Variants in EPHA6 observed in about 807,000 individuals in gnomAD.
EPHA6 encodes EPH receptor A6.
In EPHA6, 50 loss-of-function variants were observed where a neutral mutation model predicts 112.0. The ratio of observed to expected loss-of-function variants is 0.45; its 90% CI spans 0.36 to 0.56. The LOEUF is 0.56. Ranked by LOEUF, EPHA6 falls within the 20% of genes least tolerant of loss-of-function variation. The pLI is 0.00. For synonymous variants in EPHA6, 529 were observed against 490.7 expected (o/e 1.08, Z -1.03); for missense variants, 1,280 against 1,417.4 (o/e 0.90, Z 1.56).
intron 2 of EPHA6, among the ~76,000 whole-genome samples, chr3:96,942,329 C>T (rs190600478): frequency 2.2e-4 from 33 of 152,354 alleles, no homozygotes; most frequent in African/African-American, 7.7e-4. Context: ...CACCCCTCCC[C>T]CAGCCTTGCT....
At chr3:97,005,539 A>T (rs938665100) in intron 3 of EPHA6, among the ~76,000 whole-genome samples, 1 of 152,152 alleles carries the variant, frequency 6.6e-6, no homozygotes, top group South Asian at 2.1e-4. Flanking sequence ...AGTTTTCTAA[A>T]TATAAAATCA....
chr3:97,673,749 T>C (rs759606125), intron 14 of EPHA6, among the ~76,000 whole-genome samples: 2 of 152,226 alleles, frequency 1.3e-5, no homozygotes, highest in Non-Finnish European at 2.9e-5. Flanking sequence ...CTCAATGCGC[T>C]TCTGAGGGCA....
At chr3:96,877,586 C>A (rs2107496775) in intron 2 of EPHA6, among the ~76,000 whole-genome samples, 1 of 151,928 alleles carries the variant, frequency 6.6e-6, no homozygotes, top group African/African-American at 2.4e-5. Context: ...AGATGGACCG[C>A]AAATTTTAGA....
chr3:97,228,220 G>A (rs976690668), intron 4 of EPHA6, among the ~76,000 whole-genome samples: 1 of 151,992 alleles, frequency 6.6e-6, no homozygotes, highest in African/African-American at 2.4e-5. Flanking sequence ...GGTTGCATGG[G>A]GGAAGTTCTT....
chr3:97,748,623 C>G lies in EPHA6; in HGVS notation c.3315C>G (p.His1105Gln). ...IRRIGVILIG[H>Q]QRRIVSSIQT... is the part of the protein sequence containing the mutation. ...GAATTGGAGTCATACTTATTGGACA[C>G]CAGAGACGAATAGTCAGCAGCATAC... Residue 1105 changes from histidine (H) to glutamine (Q), a missense_variant, in exon 18 of 18, where the codon CAC (histidine) becomes CAG (glutamine). Transcript: ENST00000389672. 1 of 1,611,570 alleles carries G rather than the reference C, an allele frequency of 6.2e-7. No homozygotes were observed. Among genetic ancestry groups the G allele is most frequent in the African/African-American group, 1.3e-5 (1 of 74,946 alleles).
chr3:96,834,400 A>C (rs2034275897), intron 1 of EPHA6, among the ~76,000 whole-genome samples: 2 of 151,994 alleles, frequency 1.3e-5, no homozygotes, highest in Admixed American at 1.3e-4. Context: ...AATGGAATAA[A>C]AGGCAAAAAG....
At chr3:97,705,527 C>T (rs957584630) in intron 14 of EPHA6, among the ~76,000 whole-genome samples, 2 of 152,168 alleles carry the variant, frequency 1.3e-5, no homozygotes, top group African/African-American at 4.8e-5. Flanking sequence ...TGCTTGGGCT[C>T]ATTTCTAAGC....
At chr3:96,946,349 G>A (rs975679705) in intron 2 of EPHA6, among the ~76,000 whole-genome samples, 1 of 136,848 alleles carries the variant, frequency 7.3e-6, no homozygotes, top group African/African-American at 2.7e-5. Context: ...GACAGGCCCC[G>A]GTGTGTGATG....
intron 11 of EPHA6, among the ~76,000 whole-genome samples, chr3:97,544,797 A>G (rs1418323771): frequency 1.3e-5 from 2 of 152,038 alleles, no homozygotes; most frequent in East Asian, 3.9e-4. Flanking sequence ...CAGAGATTCA[A>G]CTTCTTCCTG....
In EPHA6 at chr3:96,987,595, A is replaced by G. The variant is rs1246960656; in HGVS notation, c.716A>G (p.Tyr239Cys). ...GGAATTAAATTCAAGCCAAACCAGT[A>G]TACAAAGATCGACACAATTGCTGCT... ...SHGIKFKPNQYTKIDTIAADE... is the reference protein window; with the variant it reads ...SHGIKFKPNQCTKIDTIAADE... The change falls in exon 3 of 18, where the codon TAT becomes TGT. Residue 239 changes from tyrosine (Y) to cysteine (C), a missense_variant. Physicochemically the swap from Tyr to Cys is radical, Grantham distance 194. Transcript: ENST00000389672. 2.5e-6 allele frequency: 4 copies of G among 1,613,758 alleles called. No homozygotes were observed. Among genetic ancestry groups the G allele is most frequent in the Non-Finnish European group, 3.4e-6 (4 of 1,179,768 alleles).
At chr3:97,021,511 C>A (rs2044459304) in intron 3 of EPHA6, among the ~76,000 whole-genome samples, 1 of 152,216 alleles carries the variant, frequency 6.6e-6, no homozygotes, top group Non-Finnish European at 1.5e-5. Context: ...TATGAGTCTT[C>A]TAGGGCTGCC....
chr3:97,281,498 G>A lies in EPHA6; in HGVS notation c.1606+37211G>A, dbSNP rs529667129. On this transcript the variant is annotated intron_variant, in intron 5 of 17. Coordinates refer to ENST00000389672, the MANE Select transcript of EPHA6 (RefSeq NM_001080448.3). ...CAAACCCTCAGTCTCCTAATCAAGT[G>A]TGCCTATTACACTAAAGAGTCTCTC... is the stretch of plus-strand genomic sequence containing the variant. Among the ~76,000 whole-genome samples the A allele has an allele frequency of 5.9e-5, 9 of 152,042 alleles. No individual in the cohort carries two copies. The East Asian group carries it at 9.7e-4, about 16-fold the overall frequency.
At chr3:97,508,983 GCTTTTTTTTTTT>G (rs2092312493) in intron 10 of EPHA6, among the ~76,000 whole-genome samples, 1 of 56,504 alleles carries the variant, frequency 1.8e-5, no homozygotes, top group African/African-American at 6.9e-5. Context: ...TGCATCCCTG[GCTTTTTTTTTTT>G]TTTTTTTTTT....
chr3:97,637,951 G>T lies in EPHA6; in HGVS notation c.2653G>T (p.Asp885Tyr). 2 of 1,613,944 alleles carry T rather than the reference G, an allele frequency of 1.2e-6. No homozygotes were observed. Among genetic ancestry groups the T allele is most frequent in the Non-Finnish European group, 1.7e-6 (2 of 1,179,856 alleles). Residue 885 changes from aspartate (D) to tyrosine (Y), a missense_variant, in exon 14 of 18, where the codon GAT becomes TAT. By Grantham distance (160) the Asp-to-Tyr change is radical. Coordinates refer to ENST00000389672, the MANE Select transcript of EPHA6 (RefSeq NM_001080448.3). ...GIASGMKYLS[D>Y]MGYVHRDLAA... ...TGCATCAGGCATGAAGTATCTTTCT[G>T]ATATGGGTTATGTTCATCGAGACCT...
At chr3:97,025,663 A>G (rs991410956) in intron 3 of EPHA6, among the ~76,000 whole-genome samples, 17 of 152,166 alleles carry the variant, frequency 1.1e-4, no homozygotes, top group African/African-American at 3.9e-4. Context: ...ATCTCCGCTC[A>G]CTGCAACCTC....
At chr3:97,181,284 C>A (rs1358994485) in intron 3 of EPHA6, among the ~76,000 whole-genome samples, 1 of 152,090 alleles carries the variant, frequency 6.6e-6, no homozygotes, top group African/African-American at 2.4e-5. Context: ...GTTTTTTCAT[C>A]TCTTCAGTGC....
chr3:96,905,766 G>T (rs1420628073), intron 2 of EPHA6, among the ~76,000 whole-genome samples: 1 of 151,864 alleles, frequency 6.6e-6, no homozygotes, highest in East Asian at 1.9e-4. Context: ...AGATGCAAGA[G>T]AAATCGGTGT....
At chr3:96,872,897 A>G (rs1417779108) in intron 2 of EPHA6, among the ~76,000 whole-genome samples, 2 of 152,056 alleles carry the variant, frequency 1.3e-5, no homozygotes, top group Admixed American at 1.3e-4. Context: ...TTGGAGCCTG[A>G]CAATAATTTG....
At chr3:97,401,589 A>G (rs920117560) in intron 5 of EPHA6, among the ~76,000 whole-genome samples, 7 of 151,466 alleles carry the variant, frequency 4.6e-5, no homozygotes, top group Admixed American at 3.3e-4. Context: ...GTCTAGTTAA[A>G]GGTTCGTCAA....
Sources: gnomAD v4.1 joint callset for allele counts (sites outside exome capture counted in the v4.1 genomes callset) on GRCh38, gnomAD v4.1.1 for gene constraint, MANE v1.5 for transcripts, NCBI Gene and HGNC (gene_info 2026-07-23, HGNC 2026-07-21) for gene names.